The following C8orf34 variants were observed in gnomAD, a reference collection of about 807,000 sequenced individuals.
C8orf34 encodes the protein chromosome 8 open reading frame 34, also known as uncharacterized protein C8orf34.
Under a neutral mutation model 68.3 loss-of-function variants are expected in C8orf34, and 65 were observed. That is an observed-to-expected ratio of 0.95 (90% CI 0.78 to 1.17). The LOEUF (loss-of-function observed/expected upper bound fraction) is 1.17, where lower values mean the gene tolerates loss of function less well. Among genes scored for constraint, C8orf34 ranks in the 50% most tolerant of loss-of-function variants. C8orf34 has a pLI of 0.00. For synonymous variants in C8orf34, 244 were observed against 241.2 expected (o/e 1.01, Z -0.11); for missense variants, 664 against 655.4 (o/e 1.01, Z -0.14).
At chr8:68,669,707 C>T (rs1563598053) in intron 8 of C8orf34, among the ~76,000 whole-genome samples, 1 of 152,106 alleles carries the variant, frequency 6.6e-6, no homozygotes, top group Non-Finnish European at 1.5e-5. Context: ...CTACTACTTG[C>T]CAAGCTGATT....
chr8:68,681,615 A>G (rs2130877666), intron 8 of C8orf34, among the ~76,000 whole-genome samples: 1 of 152,300 alleles, frequency 6.6e-6, no homozygotes, highest in South Asian at 2.1e-4. Flanking sequence ...TTCCTCGAAA[A>G]ACTAAAAATA....
rs551407396 is a variant in C8orf34 at position 68,658,557 on chromosome 8, G to A, written c.1241+18046G>A. ...TCATAGCTATTCTATTTTTAGTAAGGTGTCCTGCCACTTTCTCTTTGAAAA... is the reference window on the plus strand; with the variant it reads ...TCATAGCTATTCTATTTTTAGTAAGATGTCCTGCCACTTTCTCTTTGAAAA... On this transcript the variant is annotated intron_variant, in intron 8 of 13. Coordinates refer to ENST00000518698, the MANE Select transcript of C8orf34 (RefSeq NM_052958.4). Among the ~76,000 whole-genome samples, 5 of 152,014 alleles carry A rather than the reference G, an allele frequency of 3.3e-5. No homozygotes were observed. The South Asian group carries it at 1.0e-3, about 32-fold the overall frequency.
intron 1 of C8orf34, among the ~76,000 whole-genome samples, chr8:68,391,759 C>T: frequency 6.6e-6 from 1 of 152,136 alleles, no homozygotes; most frequent in East Asian, 1.9e-4. Context: ...CAGAACATAT[C>T]TAAAATGTGG....
intron 8 of C8orf34, among the ~76,000 whole-genome samples, chr8:68,645,397 A>T (rs574816975): frequency 1.7e-4 from 26 of 152,280 alleles, no homozygotes; most frequent in African/African-American, 5.8e-4. Context: ...AGAAACTCAC[A>T]TTAAAATGCT....
At chr8:68,451,236 G>A (rs1339560612) in intron 3 of C8orf34, among the ~76,000 whole-genome samples, 1 of 152,072 alleles carries the variant, frequency 6.6e-6, no homozygotes, top group Non-Finnish European at 1.5e-5. Flanking sequence ...ATGGAATGTT[G>A]TGGCTGATTT....
chr8:68,774,848 C>T (rs983171940), intron 10 of C8orf34, among the ~76,000 whole-genome samples: 110 of 150,314 alleles, frequency 7.3e-4, no homozygotes, highest in African/African-American at 2.5e-3. Context: ...GGCTCACGCC[C>T]GTAATTCCGG....
chr8:68,576,141 T>TACACACACACACACAC (rs112048534), intron 7 of C8orf34, among the ~76,000 whole-genome samples: 1 of 149,126 alleles, frequency 6.7e-6, no homozygotes, highest in African/African-American at 2.5e-5. Context: ...ATATTCTTTT[T>TACACACACACACACAC]ACACACACAC....
chr8:68,804,152 T>C (rs1824414688), intron 12 of C8orf34, among the ~76,000 whole-genome samples: 1 of 152,196 alleles, frequency 6.6e-6, no homozygotes, highest in African/African-American at 2.4e-5. Flanking sequence ...TCAACTTTGC[T>C]GTCATTTTCT....
chr8:68,647,079 T>C (rs1459635156), intron 8 of C8orf34, among the ~76,000 whole-genome samples: 1 of 152,054 alleles, frequency 6.6e-6, no homozygotes, highest in Non-Finnish European at 1.5e-5. Context: ...TATAAGGAAC[T>C]CAAACAACTC....
chr8:68,690,777 A>G (rs1820664897), intron 8 of C8orf34, among the ~76,000 whole-genome samples: 1 of 152,124 alleles, frequency 6.6e-6, no homozygotes, highest in Non-Finnish European at 1.5e-5. Flanking sequence ...GAAGACTCAA[A>G]GAAGTATCAA....
chr8:68,684,223 A>T (rs146686935), intron 8 of C8orf34, among the ~76,000 whole-genome samples: 168 of 152,234 alleles, frequency 1.1e-3, no homozygotes, highest in African/African-American at 3.5e-3. Context: ...TCTGAGAGCC[A>T]GCATGCATCA....
Position 68,455,983 on chromosome 8 carries a change from C to T in C8orf34, c.607+9523C>T, listed in dbSNP as rs184527350. Among the ~76,000 whole-genome samples the T allele has an allele frequency of 2.2e-3, 340 of 151,308 alleles. 1 individual carries two copies. The highest frequency in any genetic ancestry group is 7.2e-3 in the African/African-American group (298 of 41,196). On this transcript the variant is annotated intron_variant, in intron 3 of 13. Coordinates refer to ENST00000518698, the MANE Select transcript of C8orf34 (RefSeq NM_052958.4). ...CTGTCTAGCCGGGCGTGGTGGCTCA[C>T]GCCTGTAATTCCAGCACTTTGGGAG...
chr8:68,667,732 A>G lies in C8orf34; in HGVS notation c.1241+27221A>G, dbSNP rs536758692. Reference sequence around the variant, plus strand: ...GCATTTTACACCAATATTTTAGTCAATTATCCTAACAAGTGAATAGATACT... The same window carrying G: ...GCATTTTACACCAATATTTTAGTCAGTTATCCTAACAAGTGAATAGATACT... On this transcript the variant is annotated intron_variant, in intron 8 of 13. Coordinates refer to ENST00000518698, the MANE Select transcript of C8orf34 (RefSeq NM_052958.4). 1.9e-4 allele frequency among the ~76,000 whole-genome samples: 29 copies of G among 152,280 alleles called. No homozygotes were observed. In the East Asian group the frequency reaches 3.7e-3, roughly 19 times the overall value.
intron 8 of C8orf34, among the ~76,000 whole-genome samples, chr8:68,663,721 T>C (rs901299172): frequency 1.3e-5 from 2 of 152,106 alleles, no homozygotes; most frequent in African/African-American, 4.8e-5. Context: ...ACTAGGACCA[T>C]AGGGTTTTTA....
intron 7 of C8orf34, among the ~76,000 whole-genome samples, chr8:68,639,091 G>A (rs1436733542): frequency 2.0e-5 from 3 of 152,012 alleles, no homozygotes; most frequent in African/African-American, 7.2e-5. Flanking sequence ...AGAGGGAGTA[G>A]TAATGGCTGT....
intron 7 of C8orf34, among the ~76,000 whole-genome samples, chr8:68,584,407 T>C (rs1266523989): frequency 6.6e-6 from 1 of 152,120 alleles, no homozygotes; most frequent in Non-Finnish European, 1.5e-5. Context: ...AGTAGGTGAG[T>C]GTTTTGTCCC....
At chr8:68,706,482 G>A (rs534706372) in intron 8 of C8orf34, among the ~76,000 whole-genome samples, 19 of 152,186 alleles carry the variant, frequency 1.2e-4, no homozygotes, top group South Asian at 1.2e-3. Context: ...ATACCTAGGA[G>A]AAAGAAGAGG....
At chr8:68,667,635 C>A (rs1323693749) in intron 8 of C8orf34, among the ~76,000 whole-genome samples, 2 of 152,138 alleles carry the variant, frequency 1.3e-5, no homozygotes, top group African/African-American at 4.8e-5. Flanking sequence ...ACGTCAATGA[C>A]TATAATTCCA....
chr8:68,337,955 C>A (rs532717409), intron 1 of C8orf34, among the ~76,000 whole-genome samples: 1 of 152,280 alleles, frequency 6.6e-6, no homozygotes, highest in African/African-American at 2.4e-5. Flanking sequence ...ACACTTTCTC[C>A]TTTGTGTACA....
Sources: gnomAD v4.1 joint callset for allele counts (sites outside exome capture counted in the v4.1 genomes callset) on GRCh38, gnomAD v4.1.1 for gene constraint, MANE v1.5 for transcripts, NCBI Gene and HGNC (gene_info 2026-07-23, HGNC 2026-07-21) for gene names.